The following LEPR variants were observed in gnomAD, a reference collection of about 807,000 sequenced individuals.
LEPR encodes the protein leptin receptor.
LEPR carries 56 observed loss-of-function variants against 114.7 expected under a neutral mutation model. The observed-to-expected ratio is 0.49, with a 90% CI of 0.39 to 0.61. LEPR has a LOEUF of 0.61. Ranked by LOEUF, LEPR falls within the 20% of genes least tolerant of loss-of-function variation. The pLI is 0.00. For missense variants in LEPR, 1,202 were observed against 1,352.9 expected, an observed-to-expected ratio of 0.89 and a Z score of 1.75; for synonymous variants, 443 against 461.4, an observed-to-expected ratio of 0.96 and a Z score of 0.51.
chr1:65,549,157 A>G lies in LEPR; in HGVS notation c.-20-16389A>G, dbSNP rs559907899. Among the ~76,000 whole-genome samples the G allele has an allele frequency of 2.6e-4, 39 of 151,558 alleles. No individual in the cohort carries two copies. In the South Asian group the frequency reaches 6.6e-3, roughly 26 times the overall value. On this transcript the variant is annotated intron_variant, in intron 2 of 19. Coordinates refer to ENST00000349533, the MANE Select transcript of LEPR (RefSeq NM_002303.6). Reference sequence around the variant, plus strand: ...TGGTCCCCACTCTCTTCTGGCTTGTAGAGTTTCTGCCGTGAGATCCGCTGT... The same window carrying G: ...TGGTCCCCACTCTCTTCTGGCTTGTGGAGTTTCTGCCGTGAGATCCGCTGT...
rs1450803438 is a variant in LEPR, at chr1:65,610,242, A to C, written c.1941A>C (p.Arg647Ser). 2 of 1,614,024 alleles carry C rather than the reference A, an allele frequency of 1.2e-6. No individual in the cohort carries two copies. Among genetic ancestry groups the C allele is most frequent in the Non-Finnish European group, 1.7e-6 (2 of 1,179,940 alleles). ...KVPMRGPEFW[R>S]IINGDTMKKE... ...CTATGAGAGGACCTGAATTTTGGAG[A>C]ATAATTAATGGAGATACTATGAAAA... The change falls in exon 14 of 20, where the codon AGA becomes AGC. Residue 647 changes from arginine to serine, a missense_variant. Coordinates refer to ENST00000349533, the MANE Select transcript of LEPR (RefSeq NM_002303.6).
intron 2 of LEPR, among the ~76,000 whole-genome samples, chr1:65,489,592 T>C (rs1647759200): frequency 6.6e-6 from 1 of 152,178 alleles, no homozygotes; most frequent in Non-Finnish European, 1.5e-5. Context: ...GTTGTTTCTC[T>C]TGCCACATAG....
At chr1:65,481,025 A>G (rs534123723) in intron 2 of LEPR, among the ~76,000 whole-genome samples, 1 of 152,334 alleles carries the variant, frequency 6.6e-6, no homozygotes, top group African/African-American at 2.4e-5. Context: ...TTTGGAGGCT[A>G]GAAGTCTAAG....
chr1:65,536,045 T>C (rs1030340516), intron 2 of LEPR, among the ~76,000 whole-genome samples: 2 of 152,174 alleles, frequency 1.3e-5, no homozygotes, highest in African/African-American at 4.8e-5. Flanking sequence ...GCTACACCAC[T>C]GATATAGTTT....
At chr1:65,572,906 C>T (rs1027601720) in intron 5 of LEPR, among the ~76,000 whole-genome samples, 1 of 152,192 alleles carries the variant, frequency 6.6e-6, no homozygotes, top group Non-Finnish European at 1.5e-5. Context: ...CCAGCTGCTC[C>T]TATGCACAGC....
Position 65,572,314 on chromosome 1 carries a change from TTTTA to T in LEPR, c.371-11_371-8del. ...TGTTTTTTTTTTTTTTTTTTTTTTT[TTTTA>T]AATTCAGATGCAAACTGGAACATAC... On this transcript the variant is annotated splice_region_variant and splice_polypyrimidine_tract_variant and intron_variant, in intron 4 of 19. Coordinates refer to ENST00000349533, the MANE Select transcript of LEPR (RefSeq NM_002303.6). 4 of 1,472,146 alleles carry T rather than the reference TTTTA, an allele frequency of 2.7e-6. No individual in the cohort carries two copies. Among genetic ancestry groups the T allele is most frequent in the East Asian group, 2.6e-5 (1 of 38,478 alleles). 91.2% of individuals were successfully genotyped at this position (1,472,146 alleles called of 1,614,324 possible). A position where few individuals can be genotyped will look rare whatever the true frequency, so the allele number is the denominator to read the frequency against.
At chr1:65,435,082 G>A in intron 2 of LEPR, 1 of 985,428 alleles carries the variant, frequency 1.0e-6, no homozygotes, top group Non-Finnish European at 1.2e-6. Context: ...AAAGATTCCA[G>A]CAGCTTATAG....
chr1:65,635,412 A>G, intron 19 of LEPR: 1 of 971,474 alleles, frequency 1.0e-6, no homozygotes, highest in Non-Finnish European at 1.2e-6. Context: ...TCACTTCTAT[A>G]AAAAATATGA....
chr1:65,467,782 G>A (rs1024710442), intron 2 of LEPR, among the ~76,000 whole-genome samples: 4 of 152,206 alleles, frequency 2.6e-5, no homozygotes, highest in Non-Finnish European at 5.9e-5. Flanking sequence ...AAGCTGCAGT[G>A]TCACAGGTCA....
chr1:65,450,002 CT>C, intron 2 of LEPR, among the ~76,000 whole-genome samples: 1 of 152,166 alleles, frequency 6.6e-6, no homozygotes, highest in South Asian at 2.1e-4. Flanking sequence ...TGAGATTTCT[CT>C]TGTGACCCAT....
intron 2 of LEPR, among the ~76,000 whole-genome samples, chr1:65,494,678 A>G (rs1182849310): frequency 6.6e-6 from 1 of 152,126 alleles, no homozygotes; most frequent in Non-Finnish European, 1.5e-5. Flanking sequence ...TAGCCACTGT[A>G]AATATTTTAT....
chr1:65,596,432 CT>C lies in LEPR; in HGVS notation c.704-8del, dbSNP rs747138555. 7 of 1,611,178 alleles carry C rather than the reference CT, an allele frequency of 4.3e-6. No individual in the cohort carries two copies. In the African/African-American group the frequency reaches 8.0e-5, roughly 18 times the overall value. ...AAATTACTTGACTTAAAAGTATTCT[CT>C]TTTTTTTCCTTAAGTGAAGCCTGAT... On this transcript the variant is annotated splice_polypyrimidine_tract_variant and intron_variant, in intron 6 of 19. Coordinates refer to ENST00000349533, the MANE Select transcript of LEPR (RefSeq NM_002303.6).
At chr1:65,472,662 TAA>T (rs987586943) in intron 2 of LEPR, among the ~76,000 whole-genome samples, 1 of 146,244 alleles carries the variant, frequency 6.8e-6, no homozygotes, top group African/African-American at 2.8e-5. Flanking sequence ...ATTTCTTTTT[TAA>T]AAGAGTGTAA....
intron 11 of LEPR, among the ~76,000 whole-genome samples, chr1:65,606,163 T>G (rs1236644241): frequency 6.6e-6 from 1 of 152,194 alleles, no homozygotes; most frequent in Non-Finnish European, 1.5e-5. Flanking sequence ...AAGATTGTCT[T>G]AATTATAAGA....
In LEPR at chr1:65,637,287, C is replaced by G. The variant is rs2101048220; in HGVS notation, c.*272C>G. 3.0e-6 allele frequency: 1 copy of G among 334,540 alleles called. No individual in the cohort carries two copies. The highest frequency in any genetic ancestry group is 9.1e-4 in the Middle Eastern group (1 of 1,100). The allele number at this position is 334,540 out of a possible 1,614,324, so 20.7% of individuals were successfully genotyped here. A position where few individuals can be genotyped will look rare whatever the true frequency, so the allele number is the denominator to read the frequency against. The stretch of plus-strand genomic sequence containing the variant: ...TCCAGCTAGAAATAAGCCCAACAGA[C>G]ACCATCTTTTGTGAGATGTAATTGT... On this transcript the variant is annotated 3_prime_UTR_variant, in exon 20 of 20. Coordinates refer to ENST00000349533, the MANE Select transcript of LEPR (RefSeq NM_002303.6).
chr1:65,526,298 C>G (rs556211502), intron 2 of LEPR: 21 of 985,304 alleles, frequency 2.1e-5, no homozygotes, highest in African/African-American at 5.2e-5. Context: ...CACCTCCCCC[C>G]TTCCCTGCAA....
intron 2 of LEPR, among the ~76,000 whole-genome samples, chr1:65,545,777 A>C (rs1651657142): frequency 6.6e-6 from 1 of 151,918 alleles, no homozygotes. Context: ...CTCTGATGGT[A>C]GTTTCTTTGG....
intron 2 of LEPR, among the ~76,000 whole-genome samples, chr1:65,538,752 G>A (rs1473840204): frequency 6.6e-6 from 1 of 150,790 alleles, no homozygotes; most frequent in Non-Finnish European, 1.5e-5. Flanking sequence ...TTTTTTCTTT[G>A]TTGTTTGGTA....
chr1:65,565,730 G>C (rs1653688720), intron 3 of LEPR, 125 bp downstream of exon 3: 2 of 1,266,044 alleles, frequency 1.6e-6, no homozygotes, highest in Non-Finnish European at 2.3e-6. Context: ...TCTCATACAT[G>C]CTTATGATTA....
Sources: allele counts gnomAD v4.1 joint callset (sites outside exome capture counted in the v4.1 genomes callset), GRCh38; gene constraint gnomAD v4.1.1; transcripts MANE v1.5; gene names NCBI Gene and HGNC (gene_info 2026-07-23, HGNC 2026-07-21).